Variants in PTPRD observed in about 807,000 individuals in gnomAD.
PTPRD encodes the protein receptor-type tyrosine-protein phosphatase delta.
Under a neutral mutation model 214.5 loss-of-function variants are expected in PTPRD, and 34 were observed. That is an observed-to-expected ratio of 0.16 (90% confidence interval 0.12 to 0.21). The LOEUF is 0.21. Ranked by LOEUF, PTPRD falls within the 10% of genes least tolerant of loss-of-function variation. The pLI is 1.00. For synonymous variants in PTPRD, 1,128 were observed against 845.7 expected, an observed-to-expected ratio of 1.33 and a Z score of -5.79; for missense variants, 2,545 against 2,398.7, an observed-to-expected ratio of 1.06 and a Z score of -1.27.
chr9:8,363,659 T>A (rs1444647734), intron 39 of PTPRD, among the ~76,000 whole-genome samples: 1 of 152,156 alleles, frequency 6.6e-6, no homozygotes, highest in Non-Finnish European at 1.5e-5. Flanking sequence ...AATAGAGCAG[T>A]GAGAAAGAAA....
intron 10 of PTPRD, among the ~76,000 whole-genome samples, chr9:9,177,921 G>C (rs1029340942): frequency 1.3e-5 from 2 of 152,082 alleles, no homozygotes; most frequent in Non-Finnish European, 2.9e-5. Context: ...TTGATACATG[G>C]TATTTAATTG....
In PTPRD at chr9:9,721,220, C is replaced by T. The variant is rs370673839; in HGVS notation, c.-287+13313G>A. On this transcript the variant is annotated intron_variant, in intron 7 of 45. Transcript: ENST00000381196. ...GTTGCAATAGAGGATCATGGAATAT[C>T]TTCAAGACATCTCAGATTTTATCAT... is the stretch of plus-strand genomic sequence containing the variant. 2.9e-3 allele frequency among the ~76,000 whole-genome samples: 444 copies of T among 152,230 alleles called. 3 individuals carry two copies. Among genetic ancestry groups the T allele is most frequent in the African/African-American group, 0.01 (421 of 41,550 alleles).
chr9:10,225,111 A>T (rs977453701), intron 3 of PTPRD, among the ~76,000 whole-genome samples: 6 of 152,018 alleles, frequency 3.9e-5, no homozygotes, highest in African/African-American at 1.4e-4. Flanking sequence ...CTATAACATT[A>T]ATCTATAGCT....
rs771798849 is a variant in PTPRD, at chr9:8,733,774, G to C, written c.64+6C>G. On this transcript the variant is annotated splice_donor_region_variant and intron_variant, in intron 12 of 45. Coordinates refer to ENST00000381196, the MANE Select transcript of PTPRD (RefSeq NM_002839.4). Reference sequence around the variant, plus strand: ...CAGCCCCCTAGAGAAGGGGAGAATGGCTTACTCTCAGCATCCGTGCGGAGG... The same window carrying C: ...CAGCCCCCTAGAGAAGGGGAGAATGCCTTACTCTCAGCATCCGTGCGGAGG... 1.3e-6 allele frequency: 2 copies of C among 1,552,244 alleles called. No homozygotes were observed. The highest frequency in any genetic ancestry group is 1.4e-5 in the African/African-American group (1 of 73,222).
rs531232193 is a variant in PTPRD at position 9,519,375 on chromosome 9, C to A, written c.-237+55357G>T. Reference sequence around the variant, plus strand: ...CAGAAATAAATGAAACAAAAAAAACCAGAGAGAGAAAGAATCAACAGTTAC... The same window carrying A: ...CAGAAATAAATGAAACAAAAAAAACAAGAGAGAGAAAGAATCAACAGTTAC... On this transcript the variant is annotated intron_variant, in intron 8 of 45. Transcript: ENST00000381196. 2.0e-5 allele frequency among the ~76,000 whole-genome samples: 3 copies of A among 148,948 alleles called. No homozygotes were observed. In the East Asian group the frequency reaches 6.0e-4, roughly 30 times the overall value.
chr9:8,709,149 A>G (rs574206867), intron 12 of PTPRD, among the ~76,000 whole-genome samples: 1 of 152,216 alleles, frequency 6.6e-6, no homozygotes, highest in African/African-American at 2.4e-5. Flanking sequence ...AATTTTACTT[A>G]AGAGGAATAA....
intron 2 of PTPRD, among the ~76,000 whole-genome samples, chr9:10,509,557 TTATATATA>T (rs3076461): frequency 0.32 from 34,655 of 106,642 alleles, 6,320 homozygotes; most frequent in Middle Eastern, 0.46. Flanking sequence ...TTAATAAATA[TTATATATA>T]TATATATATA....
chr9:8,951,769 C>T (rs2099103365), intron 11 of PTPRD, among the ~76,000 whole-genome samples: 1 of 151,994 alleles, frequency 6.6e-6, no homozygotes, highest in South Asian at 2.1e-4. Flanking sequence ...CAAGTTCACC[C>T]CAAGTTCTTG....
chr9:9,456,273 T>G (rs528704605), intron 8 of PTPRD, among the ~76,000 whole-genome samples: 12 of 151,854 alleles, frequency 7.9e-5, no homozygotes, highest in African/African-American at 2.9e-4. Flanking sequence ...ATCTGATTAT[T>G]GAAAACTACA....
At chr9:9,624,680 G>A (rs758788813) in intron 7 of PTPRD, among the ~76,000 whole-genome samples, 1 of 152,066 alleles carries the variant, frequency 6.6e-6, no homozygotes, top group Non-Finnish European at 1.5e-5. Flanking sequence ...AAAAAGCCCA[G>A]TTTGCTTACT....
intron 39 of PTPRD, among the ~76,000 whole-genome samples, chr9:8,374,697 G>C (rs2082697651): frequency 6.6e-6 from 1 of 151,914 alleles, no homozygotes; most frequent in Non-Finnish European, 1.5e-5. Context: ...TAAAGCATAG[G>C]GGAGTGCTTT....
At chr9:9,958,887 T>C (rs1311671042) in intron 4 of PTPRD, among the ~76,000 whole-genome samples, 2 of 152,152 alleles carry the variant, frequency 1.3e-5, no homozygotes, top group East Asian at 3.9e-4. Context: ...CTAGTGAGAA[T>C]GTAGGGCAAT....
intron 2 of PTPRD, among the ~76,000 whole-genome samples, chr9:10,444,701 A>G (rs1389303717): frequency 6.7e-6 from 1 of 149,318 alleles, no homozygotes; most frequent in Admixed American, 6.7e-5. Flanking sequence ...GAGATATAAC[A>G]AAGACAAAAA....
At chr9:10,246,029 T>A (rs1283800701) in intron 3 of PTPRD, among the ~76,000 whole-genome samples, 1 of 152,164 alleles carries the variant, frequency 6.6e-6, no homozygotes, top group Admixed American at 6.6e-5. Context: ...ATTTTGTATT[T>A]CCTTTGGCCT....
intron 11 of PTPRD, among the ~76,000 whole-genome samples, chr9:8,956,309 G>T (rs2099131420): frequency 6.6e-6 from 1 of 151,518 alleles, no homozygotes; most frequent in South Asian, 2.1e-4. Context: ...TTTCTTCAAG[G>T]AAAGAAAAAA....
At chr9:9,783,903 G>C (rs532272795) in intron 5 of PTPRD, among the ~76,000 whole-genome samples, 2 of 150,226 alleles carry the variant, frequency 1.3e-5, no homozygotes, top group Non-Finnish European at 3.0e-5. Context: ...GCATACGCAA[G>C]TGATACTGAA....
intron 5 of PTPRD, among the ~76,000 whole-genome samples, chr9:9,918,347 GA>G (rs2081522970): frequency 1.7e-5 from 1 of 59,544 alleles, no homozygotes; most frequent in Admixed American, 2.1e-4. Context: ...TTTAACCAAA[GA>G]GGTAAAAAAA....
intron 5 of PTPRD, among the ~76,000 whole-genome samples, chr9:9,795,554 C>A (rs1177272646): frequency 3.3e-5 from 5 of 151,910 alleles, no homozygotes; most frequent in African/African-American, 1.2e-4. Context: ...GATACTTAGT[C>A]AAAAAGGGAC....
intron 7 of PTPRD, among the ~76,000 whole-genome samples, chr9:9,726,259 A>G (rs1164223966): frequency 6.6e-6 from 1 of 152,180 alleles, no homozygotes; most frequent in Non-Finnish European, 1.5e-5. Flanking sequence ...TAACACTGAC[A>G]TTGGCATGCA....
Sources: allele counts gnomAD v4.1 joint callset (sites outside exome capture counted in the v4.1 genomes callset), GRCh38; gene constraint gnomAD v4.1.1; transcripts MANE v1.5; gene names NCBI Gene and HGNC (gene_info 2026-07-23, HGNC 2026-07-21).